MLLT3: variants seen among roughly 807,000 people sequenced by gnomAD.
MLLT3 encodes MLLT3 super elongation complex subunit.
A neutral mutation model predicts 53.2 loss-of-function variants in MLLT3; 4 were observed. That is an observed-to-expected ratio of 0.08 (90% confidence interval 0.04 to 0.17). MLLT3 has a LOEUF of 0.17. Ranked by LOEUF, MLLT3 falls within the 10% of genes least tolerant of loss-of-function variation. The pLI is 1.00. For missense variants in MLLT3, 569 were observed against 684.0 expected (o/e 0.83, Z 1.87); for synonymous variants, 283 against 230.6 (o/e 1.23, Z -2.06).
intron 2 of MLLT3, among the ~76,000 whole-genome samples, chr9:20,474,448 G>A (rs1824472253): frequency 6.6e-6 from 1 of 152,044 alleles, no homozygotes; most frequent in Non-Finnish European, 1.5e-5. Flanking sequence ...TCAAGGTATT[G>A]CTGTTAATAT....
chr9:20,506,880 A>G (rs1825394986), intron 2 of MLLT3, among the ~76,000 whole-genome samples: 1 of 152,232 alleles, frequency 6.6e-6, no homozygotes, highest in African/African-American at 2.4e-5. Context: ...CTACCAGTAG[A>G]AACCTAATTT....
In MLLT3 at chr9:20,621,902, CGT is replaced by C. The variant is rs142328824; in HGVS notation, c.12+341_12+342del. The C allele has an allele frequency of 0.026, 20,792 of 798,400 alleles. No homozygotes were observed. The highest frequency in any genetic ancestry group is 0.048 in the South Asian group (1,884 of 39,606). The allele number at this position is 798,400 out of a possible 1,614,324, so 49.5% of individuals were successfully genotyped here. A position where few individuals can be genotyped will look rare whatever the true frequency, so the allele number is the denominator to read the frequency against. ...TGAGTTATTATTCGCCTCCTTCCAC[CGT>C]GTGTGTGTGTGTGTGTGAGTGCGCG... On this transcript the variant is annotated intron_variant, in intron 1 of 10. Coordinates refer to ENST00000380338, the MANE Select transcript of MLLT3 (RefSeq NM_004529.4). The surrounding 1 kb of genome is among the most constrained non-coding windows in gnomAD (Gnocchi z 7.0).
intron 5 of MLLT3, among the ~76,000 whole-genome samples, chr9:20,367,745 CTTT>C (rs927380329): frequency 2.4e-4 from 36 of 152,196 alleles, no homozygotes; most frequent in Admixed American, 2.0e-3. Context: ...TAGAACAAAT[CTTT>C]TTAATTCAAG....
At chr9:20,376,720 G>T (rs191336685) in intron 5 of MLLT3, among the ~76,000 whole-genome samples, 7 of 152,244 alleles carry the variant, frequency 4.6e-5, no homozygotes, top group Non-Finnish European at 1.0e-4. Context: ...CTTTTAAGCA[G>T]AAGAGCCTCA....
At chr9:20,437,230 T>A (rs1273210741) in intron 4 of MLLT3, among the ~76,000 whole-genome samples, 2 of 152,186 alleles carry the variant, frequency 1.3e-5, no homozygotes, top group Non-Finnish European at 2.9e-5. Context: ...TCCAAAGTAG[T>A]TTAACCTAAG....
At chr9:20,463,445 T>G (rs1361213194) in intron 2 of MLLT3, among the ~76,000 whole-genome samples, 1 of 152,140 alleles carries the variant, frequency 6.6e-6, no homozygotes, top group Non-Finnish European at 1.5e-5. Flanking sequence ...TTCACAATCA[T>G]TTCTTCAAGG....
At chr9:20,417,215 G>A (rs534522358) in intron 4 of MLLT3, among the ~76,000 whole-genome samples, 11 of 136,384 alleles carry the variant, frequency 8.1e-5, no homozygotes, top group African/African-American at 2.7e-4. Context: ...ATATATATGG[G>A]GGTCTTGTCA....
At chr9:20,527,680 T>C (rs183697820) in intron 2 of MLLT3, among the ~76,000 whole-genome samples, 7 of 152,112 alleles carry the variant, frequency 4.6e-5, no homozygotes, top group Admixed American at 2.6e-4. Flanking sequence ...ACAAAAACAA[T>C]AACTAAACTG....
chr9:20,493,514 G>A (rs1825005325), intron 2 of MLLT3, among the ~76,000 whole-genome samples: 1 of 151,880 alleles, frequency 6.6e-6, no homozygotes, highest in African/African-American at 2.4e-5. Flanking sequence ...TTAAGTTCTG[G>A]CAAGCTATCT....
rs56934102 is a variant in MLLT3, at chr9:20,343,214, A to AAAAAAAAAAAAAAAATTT, written c.*3228_*3229insAAATTTTTTTTTTTTTTT. ...AAAAAAAAAAAAAAAAAAAAAAAAA[A>AAAAAAAAAAAAAAAATTT]TTTTGAAGAAACTTTTTAGTGGAAG... On this transcript the variant is annotated 3_prime_UTR_variant, in exon 11 of 11. Transcript: ENST00000380338. The AAAAAAAAAAAAAAAATTT allele has an allele frequency of 1.3e-4, 15 of 115,070 alleles. No individual in the cohort carries two copies. The highest frequency in any genetic ancestry group is 8.7e-4 in the African/African-American group (13 of 14,952). 7.1% of individuals were successfully genotyped at this position (115,070 alleles called of 1,614,324 possible). A position where few individuals can be genotyped will look rare whatever the true frequency, so the allele number is the denominator to read the frequency against.
chr9:20,603,965 C>G (rs907099818), intron 2 of MLLT3, among the ~76,000 whole-genome samples: 1 of 152,028 alleles, frequency 6.6e-6, no homozygotes, highest in African/African-American at 2.4e-5. Flanking sequence ...CAAAGGCAGT[C>G]TTAAAATTGT....
intron 2 of MLLT3, among the ~76,000 whole-genome samples, chr9:20,573,369 T>C (rs1301364466): frequency 1.3e-5 from 2 of 152,052 alleles, no homozygotes; most frequent in Non-Finnish European, 2.9e-5. Flanking sequence ...TTCATAAAGA[T>C]GGGTTTCACC....
intron 4 of MLLT3, among the ~76,000 whole-genome samples, chr9:20,420,517 C>G (rs1156480726): frequency 6.6e-6 from 1 of 152,004 alleles, no homozygotes; most frequent in Admixed American, 6.6e-5. Context: ...ATGTAAAAAT[C>G]TAAATTATAT....
intron 5 of MLLT3, among the ~76,000 whole-genome samples, chr9:20,402,059 G>C (rs374712975): frequency 2.6e-5 from 4 of 152,278 alleles, no homozygotes; most frequent in African/African-American, 7.2e-5. Flanking sequence ...ACTGAGAATG[G>C]CTAACTTAAT....
intron 2 of MLLT3, among the ~76,000 whole-genome samples, chr9:20,499,645 C>T (rs946366809): frequency 3.9e-5 from 6 of 152,216 alleles, no homozygotes; most frequent in African/African-American, 1.2e-4. Flanking sequence ...TAGATGCATT[C>T]CTTGCAATAC....
At chr9:20,439,814 A>AAG (rs1343702533) in intron 4 of MLLT3, among the ~76,000 whole-genome samples, 1 of 152,200 alleles carries the variant, frequency 6.6e-6, no homozygotes, top group Non-Finnish European at 1.5e-5. Context: ...GACAGAGGTT[A>AAG]TAGTCACCAG....
chr9:20,585,380 A>G (rs1312658971), intron 2 of MLLT3, among the ~76,000 whole-genome samples: 1 of 152,202 alleles, frequency 6.6e-6, no homozygotes, highest in Non-Finnish European at 1.5e-5. Flanking sequence ...CAAAGGCTCT[A>G]TCTACAAATA....
At chr9:20,608,161 T>C (rs1820613387) in intron 2 of MLLT3, among the ~76,000 whole-genome samples, 1 of 151,950 alleles carries the variant, frequency 6.6e-6, no homozygotes, top group African/African-American at 2.4e-5. Context: ...CCAAATTATA[T>C]ACAAAGATGC....
rs370601603 is a variant in MLLT3, at chr9:20,428,633, A to C, written c.421-14208T>G. ...GATGATAAATGCACAGAAGAATAAT[A>C]AACTCAAGCAAAAGAAAGACTACAA... On this transcript the variant is annotated intron_variant, in intron 4 of 10. Coordinates refer to ENST00000380338, the MANE Select transcript of MLLT3 (RefSeq NM_004529.4). Among the ~76,000 whole-genome samples the C allele has an allele frequency of 2.6e-5, 4 of 152,198 alleles. No individual in the cohort carries two copies. In the South Asian group the frequency reaches 8.3e-4, roughly 32 times the overall value.
Sources: gnomAD v4.1 joint callset for allele counts (sites outside exome capture counted in the v4.1 genomes callset) on GRCh38, gnomAD v4.1.1 for gene constraint, Gnocchi (gnomAD v3.1) non-coding constraint, MANE v1.5 for transcripts, NCBI Gene and HGNC (gene_info 2026-07-23, HGNC 2026-07-21) for gene names.